CDHR3: variants seen among roughly 807,000 people sequenced by gnomAD.
CDHR3 encodes cadherin-related family member 3.
CDHR3 carries 79 observed loss-of-function variants against 86.6 expected under a neutral mutation model. The ratio of observed to expected loss-of-function variants is 0.91; its 90% CI spans 0.76 to 1.10. The LOEUF (loss-of-function observed/expected upper bound fraction) is 1.10. Among genes scored for constraint, CDHR3 ranks in the 50% least tolerant of loss-of-function variants. The pLI is 0.00. For missense variants in CDHR3, 1,081 were observed against 1,077.6 expected, an observed-to-expected ratio of 1.00 and a Z score of -0.04; for synonymous variants, 421 against 402.4, an observed-to-expected ratio of 1.05 and a Z score of -0.55.
chr7:106,020,926 A>C (rs1222890266), intron 13 of CDHR3, among the ~76,000 whole-genome samples: 1 of 152,160 alleles, frequency 6.6e-6, no homozygotes, highest in African/African-American at 2.4e-5. Context: ...GCCCAAGAAA[A>C]GGGTGAACCC....
intron 8 of CDHR3, among the ~76,000 whole-genome samples, chr7:106,010,553 A>G (rs1418226159): frequency 6.6e-6 from 1 of 152,222 alleles, no homozygotes; most frequent in Non-Finnish European, 1.5e-5. Flanking sequence ...TACACGCTCC[A>G]GCAAGCAAAC....
chr7:105,969,397 CAAAAAAAAAA>C (rs760242300), intron 1 of CDHR3, among the ~76,000 whole-genome samples: 1 of 79,812 alleles, frequency 1.3e-5, no homozygotes, highest in Non-Finnish European at 2.2e-5. Context: ...GACTCCGTCT[CAAAAAAAAAA>C]AAAAAAAAAA....
chr7:106,013,168 G>A lies in CDHR3; in HGVS notation c.1224+137G>A, dbSNP rs570552541. Reference sequence around the variant, plus strand: ...GACTGTAACTGACAGGCTTAATAGTGAGTCTGTGTTCCCCATTCGCTCTTT... The same window carrying A: ...GACTGTAACTGACAGGCTTAATAGTAAGTCTGTGTTCCCCATTCGCTCTTT... On this transcript the variant is annotated intron_variant, in intron 9 of 18. Transcript: ENST00000317716. 236 of 687,936 alleles carry A rather than the reference G, an allele frequency of 3.4e-4. 1 individual carries two copies. In the African/African-American group the frequency reaches 4.0e-3, roughly 12 times the overall value. 42.6% of individuals were successfully genotyped at this position (687,936 alleles called of 1,614,324 possible).
intron 3 of CDHR3, among the ~76,000 whole-genome samples, chr7:105,983,418 G>C (rs552422768): frequency 6.6e-6 from 1 of 152,068 alleles, no homozygotes; most frequent in African/African-American, 2.4e-5. Flanking sequence ...CACTAATTAC[G>C]CTAAAAGAAT....
intron 4 of CDHR3, among the ~76,000 whole-genome samples, chr7:105,986,846 AAG>A (rs1396470841): frequency 6.6e-6 from 1 of 152,106 alleles, no homozygotes. Flanking sequence ...AGTTGGGAGA[AAG>A]AGTGGGCTTC....
intron 1 of CDHR3, among the ~76,000 whole-genome samples, chr7:105,966,958 T>TA (rs1827039364): frequency 6.6e-6 from 1 of 152,084 alleles, no homozygotes; most frequent in Non-Finnish European, 1.5e-5. Flanking sequence ...ATTACTTTTT[T>TA]TTTTTTATTA....
intron 8 of CDHR3, among the ~76,000 whole-genome samples, chr7:106,005,254 G>A (rs1833792819): frequency 6.6e-6 from 1 of 152,182 alleles, no homozygotes; most frequent in African/African-American, 2.4e-5. Flanking sequence ...ATACAAGTGG[G>A]ATACAAGTGA....
At chr7:106,027,521 C>A in intron 16 of CDHR3, 1 of 284,480 alleles carries the variant, frequency 3.5e-6, no homozygotes, top group South Asian at 3.1e-5. Flanking sequence ...GGGCTGAGAG[C>A]TGACTGACTT....
At chr7:106,013,141 G>A (rs1835071355) in intron 9 of CDHR3, 110 bp downstream of exon 9, 1 of 969,566 alleles carries the variant, frequency 1.0e-6, no homozygotes, top group Non-Finnish European at 1.5e-6. Context: ...CCCTCTCAGA[G>A]CGACTGTAAC....
intron 4 of CDHR3, among the ~76,000 whole-genome samples, chr7:105,992,012 C>T (rs1015395201): frequency 2.0e-5 from 3 of 152,166 alleles, no homozygotes; most frequent in African/African-American, 7.2e-5. Context: ...TAATTTATTA[C>T]CCTAATTTGT....
intron 6 of CDHR3, 63 bp downstream of exon 6, chr7:105,996,417 C>A (rs1203052311): frequency 2.3e-6 from 2 of 867,562 alleles, no homozygotes; most frequent in East Asian, 5.3e-5. Flanking sequence ...GCGGCCTCGT[C>A]TCCTCCGGCA....
intron 2 of CDHR3, among the ~76,000 whole-genome samples, chr7:105,978,043 A>G (rs1329524157): frequency 6.6e-6 from 1 of 152,218 alleles, no homozygotes; most frequent in Non-Finnish European, 1.5e-5. Flanking sequence ...TGCACACTGA[A>G]GGTGGGAAAA....
intron 8 of CDHR3, among the ~76,000 whole-genome samples, chr7:106,006,438 GAGCCTGTAAAATCAAA>G (rs1563276369): frequency 6.6e-6 from 1 of 152,190 alleles, no homozygotes; most frequent in African/African-American, 2.4e-5. Context: ...TTCTGCCTAT[GAGCCTGTAAAATCAAA>G]AGCAAGTTAG....
intron 10 of CDHR3, 41 bp downstream of exon 10, chr7:106,015,254 A>G: frequency 6.6e-7 from 1 of 1,520,808 alleles, no homozygotes; most frequent in South Asian, 1.2e-5. Flanking sequence ...GTCTTTCTTG[A>G]GTATCAATGA....
At chr7:105,993,526 A>G (rs1563256849) in intron 4 of CDHR3, among the ~76,000 whole-genome samples, 1 of 151,930 alleles carries the variant, frequency 6.6e-6, no homozygotes, top group African/African-American at 2.4e-5. Context: ...TATAAAAAAA[A>G]TTAGCCAGGT....
chr7:105,984,147 TGC>T (rs1367517890), intron 3 of CDHR3, 43 bp from the exon 4 acceptor site: 1 of 1,256,244 alleles, frequency 8.0e-7, no homozygotes, highest in South Asian at 1.6e-5. Flanking sequence ...TCCCCATTTT[TGC>T]TTTAATAAGA....
rs901391231 is a variant in CDHR3 at position 106,029,336 on chromosome 7, C to T, written c.2304+754C>T. 2.6e-5 allele frequency among the ~76,000 whole-genome samples: 4 copies of T among 152,276 alleles called. No homozygotes were observed. In the South Asian group the frequency reaches 8.3e-4, roughly 32 times the overall value. On this transcript the variant is annotated intron_variant, in intron 17 of 18. Transcript: ENST00000317716. ...TTGCAGAAAAGTGACAGAGAAAGGG[C>T]CCTCCCTGGTCCGGGGTTGGCTCTA... is the stretch of plus-strand genomic sequence containing the variant.
chr7:105,989,994 C>A (rs3847076), intron 4 of CDHR3, among the ~76,000 whole-genome samples: 48,332 of 152,006 alleles, frequency 0.32, 7,898 homozygotes, highest in South Asian at 0.42. Context: ...GGTTCTTGTT[C>A]AAAGGCTCAT....
intron 8 of CDHR3, among the ~76,000 whole-genome samples, chr7:106,005,394 C>T (rs1432996736): frequency 6.6e-6 from 1 of 152,204 alleles, no homozygotes; most frequent in African/African-American, 2.4e-5. Flanking sequence ...TGTCAAAAAG[C>T]CACATGATTA....
Sources: allele counts gnomAD v4.1 joint callset (sites outside exome capture counted in the v4.1 genomes callset), GRCh38; gene constraint gnomAD v4.1.1; transcripts MANE v1.5; gene names NCBI Gene and HGNC (gene_info 2026-07-23, HGNC 2026-07-21).